TBC1D22A: variants seen among roughly 807,000 people sequenced by gnomAD.
TBC1D22A encodes putative GTPase activator.
TBC1D22A carries 38 observed loss-of-function variants against 60.2 expected under a neutral mutation model. That is an observed-to-expected ratio of 0.63 (90% CI 0.49 to 0.83). The LOEUF (loss-of-function observed/expected upper bound fraction) is 0.83. Ranked by LOEUF, TBC1D22A falls within the 40% of genes least tolerant of loss-of-function variation. TBC1D22A has a pLI of 0.00. For missense variants in TBC1D22A, 628 were observed against 701.0 expected (o/e 0.90, Z 1.18); for synonymous variants, 302 against 281.7 (o/e 1.07, Z -0.72).
At chr22:46,853,513 A>G (rs2087399996) in intron 4 of TBC1D22A, among the ~76,000 whole-genome samples, 3 of 152,180 alleles carry the variant, frequency 2.0e-5, no homozygotes, top group Admixed American at 2.0e-4. Flanking sequence ...CCTCCAATAG[A>G]GGATCAGCGT....
intron 9 of TBC1D22A, among the ~76,000 whole-genome samples, chr22:46,986,010 A>G (rs1460544430): frequency 6.6e-6 from 1 of 152,224 alleles, no homozygotes; most frequent in Non-Finnish European, 1.5e-5. Context: ...CAATGCCAAC[A>G]TATACCCATG....
intron 12 of TBC1D22A, among the ~76,000 whole-genome samples, chr22:47,121,155 T>C (rs577417191): frequency 6.6e-6 from 1 of 152,376 alleles, no homozygotes; most frequent in African/African-American, 2.4e-5. Flanking sequence ...TAAGTGTTTC[T>C]TCCAATCATT....
chr22:47,138,414 G>A (rs1345460708), intron 12 of TBC1D22A, among the ~76,000 whole-genome samples: 19 of 152,142 alleles, frequency 1.2e-4, no homozygotes. Context: ...GGCCTCTGGG[G>A]GACAGGGAGG....
chr22:46,981,116 A>C (rs2074495877), intron 9 of TBC1D22A, among the ~76,000 whole-genome samples: 1 of 152,240 alleles, frequency 6.6e-6, no homozygotes, highest in Non-Finnish European at 1.5e-5. Flanking sequence ...AATGAGATAG[A>C]TTTTTAAGGC....
At chr22:47,060,154 T>A (rs140874564) in intron 11 of TBC1D22A, among the ~76,000 whole-genome samples, 1 of 152,160 alleles carries the variant, frequency 6.6e-6, no homozygotes, top group African/African-American at 2.4e-5. Flanking sequence ...AAAACCAGGA[T>A]GCCAGAAGCC....
intron 9 of TBC1D22A, among the ~76,000 whole-genome samples, chr22:46,988,290 T>C (rs867847794): frequency 1.9e-4 from 29 of 152,234 alleles, no homozygotes; most frequent in African/African-American, 7.0e-4. Flanking sequence ...ACTTCTAACT[T>C]GCAGTTAATG....
At chr22:47,056,037 G>C (rs2063383414) in intron 11 of TBC1D22A, among the ~76,000 whole-genome samples, 1 of 148,192 alleles carries the variant, frequency 6.7e-6, no homozygotes. Flanking sequence ...CCGTCATCAG[G>C]CTTCATTACT....
chr22:46,879,313 G>A (rs1031474663), intron 5 of TBC1D22A, among the ~76,000 whole-genome samples: 1 of 74,202 alleles, frequency 1.3e-5, no homozygotes, highest in South Asian at 3.0e-4. Flanking sequence ...GGTAGGCGGT[G>A]GTGACATCAG....
At chr22:46,820,723 G>T (rs542553910) in intron 4 of TBC1D22A, among the ~76,000 whole-genome samples, 1 of 152,280 alleles carries the variant, frequency 6.6e-6, no homozygotes, top group East Asian at 1.9e-4. Flanking sequence ...GGAGTTGAGA[G>T]TTCCATAGAC....
intron 11 of TBC1D22A, among the ~76,000 whole-genome samples, chr22:47,069,407 G>A (rs938691877): frequency 5.9e-5 from 9 of 152,152 alleles, no homozygotes; most frequent in Non-Finnish European, 1.2e-4. Flanking sequence ...TGGGAGTGGC[G>A]GAATCTTAAC....
chr22:46,831,629 C>T (rs2086314289), intron 4 of TBC1D22A, among the ~76,000 whole-genome samples: 1 of 152,082 alleles, frequency 6.6e-6, no homozygotes, highest in Admixed American at 6.5e-5. Flanking sequence ...CGTGAGCATC[C>T]ACAGAGGAAC....
intron 4 of TBC1D22A, among the ~76,000 whole-genome samples, chr22:46,846,354 C>T (rs2147250958): frequency 6.6e-6 from 1 of 152,278 alleles, no homozygotes; most frequent in East Asian, 1.9e-4. Flanking sequence ...CGCTTACTCA[C>T]CTATGCTTTC....
At chr22:46,942,008 C>CATATAT (rs1555960665) in intron 8 of TBC1D22A, among the ~76,000 whole-genome samples, 5 of 133,630 alleles carry the variant, frequency 3.7e-5, no homozygotes, top group African/African-American at 1.4e-4. Flanking sequence ...CACCAGCATA[C>CATATAT]ATATATATAT....
chr22:47,149,487 C>T (rs2067419078), intron 12 of TBC1D22A, among the ~76,000 whole-genome samples: 1 of 152,384 alleles, frequency 6.6e-6, no homozygotes, highest in South Asian at 2.1e-4. Flanking sequence ...GGCCACAGGC[C>T]AGGCTGGCTG....
intron 11 of TBC1D22A, among the ~76,000 whole-genome samples, chr22:47,082,354 G>C (rs1040699831): frequency 1.3e-5 from 2 of 152,126 alleles, no homozygotes; most frequent in African/African-American, 4.8e-5. Flanking sequence ...CTTGATTTTA[G>C]GACTTCCTAC....
chr22:47,126,451 C>T lies in TBC1D22A; in HGVS notation c.1425+14848C>T, dbSNP rs7291706. Among the ~76,000 whole-genome samples the T allele has an allele frequency of 1.3e-3, 199 of 152,346 alleles. 2 individuals carry two copies. The highest frequency in any genetic ancestry group is 6.8e-3 in the Middle Eastern group (2 of 294). On this transcript the variant is annotated intron_variant, in intron 12 of 12. Coordinates refer to ENST00000337137, the MANE Select transcript of TBC1D22A (RefSeq NM_014346.5). ...GGAGGCCAGCATGCGGCCAGCAGTA[C>T]GTAGGCCCCGCCGGGGCCCACAGGA...
Position 46,875,165 on chromosome 22 carries a change from G to A in TBC1D22A, c.638-3488G>A, listed in dbSNP as rs558876060. On this transcript the variant is annotated intron_variant, in intron 4 of 12. Transcript: ENST00000337137. ...TCAGTGACACAGAAGTCTAAGAATGGGTGAATGTGTAAACAAGTTGTGGTA... is the reference window on the plus strand; with the variant it reads ...TCAGTGACACAGAAGTCTAAGAATGAGTGAATGTGTAAACAAGTTGTGGTA... 3.3e-5 allele frequency among the ~76,000 whole-genome samples: 5 copies of A among 152,304 alleles called. No individual in the cohort carries two copies. The East Asian group carries it at 5.8e-4, about 18-fold the overall frequency.
At chr22:47,063,348 A>G (rs2063646161) in intron 11 of TBC1D22A, among the ~76,000 whole-genome samples, 1 of 152,058 alleles carries the variant, frequency 6.6e-6, no homozygotes, top group African/African-American at 2.4e-5. Context: ...GTAGGTGAAG[A>G]GGTTCCCTTA....
At chr22:46,841,080 GAGAGAGAGAGAA>G (rs1481877013) in intron 4 of TBC1D22A, among the ~76,000 whole-genome samples, 3 of 151,764 alleles carry the variant, frequency 2.0e-5, no homozygotes, top group Admixed American at 1.3e-4. Context: ...GTGTGAGAGA[GAGAGAGAGAGAA>G]AGAGAGAGAG....
Sources: allele counts gnomAD v4.1 joint callset (sites outside exome capture counted in the v4.1 genomes callset), GRCh38; gene constraint gnomAD v4.1.1; transcripts MANE v1.5; gene names NCBI Gene and HGNC (gene_info 2026-07-23, HGNC 2026-07-21).